Variants in PRRX2 observed in about 807,000 individuals in gnomAD.
The protein encoded by PRRX2 is paired mesoderm homeobox protein 2.
PRRX2 carries 11 observed loss-of-function variants against 18.0 expected under a neutral mutation model. The ratio of observed to expected loss-of-function variants is 0.61; its 90% confidence interval spans 0.39 to 1.01. PRRX2 has a LOEUF of 1.01. PRRX2 is among the 50% of genes least tolerant of loss of function. The probability of loss-of-function intolerance (pLI) is 0.01; values close to 1 mark genes in which losing one functional copy is unlikely to be tolerated. For missense variants in PRRX2, 387 were observed against 351.0 expected, an observed-to-expected ratio of 1.10 and a Z score of -0.82; for synonymous variants, 177 against 154.8, an observed-to-expected ratio of 1.14 and a Z score of -1.06.
At chr9:129,683,734 C>CA (rs1408830041) in intron 1 of PRRX2, among the ~76,000 whole-genome samples, 79 of 148,716 alleles carry the variant, frequency 5.3e-4, no homozygotes, top group Middle Eastern at 3.4e-3. Flanking sequence ...GACTCCATCT[C>CA]AAAAAAAAAT....
chr9:129,691,529 T>C (rs1182392294), intron 1 of PRRX2, among the ~76,000 whole-genome samples: 1 of 152,118 alleles, frequency 6.6e-6, no homozygotes, highest in Non-Finnish European at 1.5e-5. Context: ...CGATTTCGTC[T>C]TCATTGATGT....
chr9:129,715,750 TCA>T lies in PRRX2; in HGVS notation c.260-3439_260-3438del, dbSNP rs58405360. 0.34 allele frequency among the ~76,000 whole-genome samples: 47,506 copies of T among 138,500 alleles called. 7,972 individuals are homozygous for T. The highest frequency in any genetic ancestry group is 0.41 in the South Asian group (1,652 of 4,026). The allele number at this position is 138,500 out of a possible 152,430, so 90.9% of individuals were successfully genotyped here. A position where few individuals can be genotyped will look rare whatever the true frequency, so the allele number is the denominator to read the frequency against. On this transcript the variant is annotated intron_variant, in intron 1 of 3. Coordinates refer to ENST00000372469, the MANE Select transcript of PRRX2 (RefSeq NM_016307.4). This position sits in a 1 kb window ranked among gnomAD's most constrained non-coding sequence, Gnocchi z 4.0. ...AAACCCAGCTTCAGGGACATCTTTC[TCA>T]CACACACACACACACACACACACAC...
intron 1 of PRRX2, among the ~76,000 whole-genome samples, chr9:129,702,231 A>G (rs537284716): frequency 2.0e-5 from 3 of 152,018 alleles, no homozygotes; most frequent in African/African-American, 4.8e-5. Context: ...CCCTGTCTCT[A>G]CTAAAAATAC....
In PRRX2 at chr9:129,675,515, C is replaced by T. The variant is rs1832152959; in HGVS notation, c.259+9389C>T. On this transcript the variant is annotated intron_variant, in intron 1 of 3. Transcript: ENST00000372469. The surrounding 1 kb of genome is among the most constrained non-coding windows in gnomAD (Gnocchi z 4.4). Reference sequence around the variant, plus strand: ...ACCTCCTGCCCCCCTGCTACCCTCCCTCCCCCATGGGGTCCCCTCAAAGGG... The same window carrying T: ...ACCTCCTGCCCCCCTGCTACCCTCCTTCCCCCATGGGGTCCCCTCAAAGGG... 6.6e-6 allele frequency among the ~76,000 whole-genome samples: 1 copy of T among 152,096 alleles called. No individual in the cohort carries two copies. Among genetic ancestry groups the T allele is most frequent in the African/African-American group, 2.4e-5 (1 of 41,410 alleles).
rs761533769 is a variant in PRRX2, at chr9:129,665,920, GGCC to G, written c.63_65del (p.Pro24del). On this transcript the variant is annotated inframe_deletion, in exon 1 of 4. Transcript: ENST00000372469. This position sits in a 1 kb window ranked among gnomAD's most constrained non-coding sequence, Gnocchi z 5.3. ...CTGGACAAGCCGGCGCTGGGCCCGG[GGCC>G]GCCGCCGCCTCCACCCGCGCTGGGG... is the stretch of plus-strand genomic sequence containing the variant. The G allele has an allele frequency of 2.8e-5, 31 of 1,114,586 alleles. No individual in the cohort carries two copies. In the South Asian group the frequency reaches 3.5e-4, roughly 13 times the overall value. The allele number at this position is 1,114,586 out of a possible 1,614,324, so 69.0% of individuals were successfully genotyped here. A position where few individuals can be genotyped will look rare whatever the true frequency, so the allele number is the denominator to read the frequency against.
intron 1 of PRRX2, among the ~76,000 whole-genome samples, chr9:129,689,753 C>A (rs1210917266): frequency 2.0e-5 from 3 of 148,078 alleles, no homozygotes; most frequent in African/African-American, 5.2e-5. Flanking sequence ...TCTTATTTTG[C>A]TTATTTATTT....
chr9:129,674,981 G>A (rs1162374368), intron 1 of PRRX2, among the ~76,000 whole-genome samples: 1 of 152,122 alleles, frequency 6.6e-6, no homozygotes, highest in Non-Finnish European at 1.5e-5. Flanking sequence ...ATAGCCCCCT[G>A]CCTAGCGATT....
intron 1 of PRRX2, among the ~76,000 whole-genome samples, chr9:129,699,381 G>A (rs564771077): frequency 1.2e-4 from 18 of 152,082 alleles, no homozygotes; most frequent in African/African-American, 3.9e-4. Context: ...CCGAGATCAC[G>A]CCATTGCACT....
chr9:129,670,158 C>A (rs369924447), intron 1 of PRRX2, among the ~76,000 whole-genome samples: 1 of 151,080 alleles, frequency 6.6e-6, no homozygotes, highest in East Asian at 1.9e-4. Context: ...GTGTAGCATG[C>A]GTCAGAGTCT....
chr9:129,722,579 G>A lies in PRRX2; in HGVS notation c.*227G>A. 1 of 416,546 alleles carries A rather than the reference G, an allele frequency of 2.4e-6. No individual in the cohort carries two copies. Among genetic ancestry groups the A allele is most frequent in the South Asian group, 1.3e-4 (1 of 7,408 alleles). 25.8% of individuals were successfully genotyped at this position (416,546 alleles called of 1,614,324 possible). A position where few individuals can be genotyped will look rare whatever the true frequency, so the allele number is the denominator to read the frequency against. On this transcript the variant is annotated 3_prime_UTR_variant, in exon 4 of 4. Coordinates refer to ENST00000372469, the MANE Select transcript of PRRX2 (RefSeq NM_016307.4). ...AACCCTTGGAGGGGTTGGGCCGGAAGGTGGAAGAGCCTGCCAAGGACCTCA... is the reference window on the plus strand; with the variant it reads ...AACCCTTGGAGGGGTTGGGCCGGAAAGTGGAAGAGCCTGCCAAGGACCTCA...
chr9:129,698,298 T>G (rs1832453979), intron 1 of PRRX2, among the ~76,000 whole-genome samples: 1 of 136,006 alleles, frequency 7.4e-6, no homozygotes, highest in Admixed American at 7.7e-5. Flanking sequence ...TCTGTCTCCA[T>G]GGTTCTCCAC....
At chr9:129,684,340 A>G (rs760899721) in intron 1 of PRRX2, among the ~76,000 whole-genome samples, 4 of 151,900 alleles carry the variant, frequency 2.6e-5, no homozygotes, top group Non-Finnish European at 5.9e-5. Flanking sequence ...GGCTTAAGCA[A>G]TGACACTGGG....
At position 129,671,776 on chromosome 9, in the gene PRRX2, C is replaced by G. The variant is rs532374478; in HGVS notation, c.259+5650C>G. 1.1e-3 allele frequency among the ~76,000 whole-genome samples: 173 copies of G among 152,376 alleles called. 1 individual carries two copies. The highest frequency in any genetic ancestry group is 3.9e-3 in the African/African-American group (164 of 41,596). ...CAGAGGCCCAGACAGGCAAAGCAAC[C>G]TGCCCGAGGCCTCACAGCTGGGAAA... On this transcript the variant is annotated intron_variant, in intron 1 of 3. Coordinates refer to ENST00000372469, the MANE Select transcript of PRRX2 (RefSeq NM_016307.4). The surrounding 1 kb of genome is among the most constrained non-coding windows in gnomAD (Gnocchi z 4.0).
chr9:129,720,706 G>A lies in PRRX2; in HGVS notation c.558G>A (p.Gln186=). The change falls in exon 3 of 4, where the codon CAG becomes CAA. Residue 186 remains glutamine, a synonymous_variant. Coordinates refer to ENST00000372469, the MANE Select transcript of PRRX2 (RefSeq NM_016307.4). ...KSYSQEAAIE[Q]PVAPRPTALS... is the part of the protein sequence containing the mutation. ...ACAGCCAGGAGGCCGCCATCGAGCAGCCCGTGGCTCCCCGGCCCACCGCCC... is the reference window on the plus strand; with the variant it reads ...ACAGCCAGGAGGCCGCCATCGAGCAACCCGTGGCTCCCCGGCCCACCGCCC... 1.9e-6 allele frequency: 3 copies of A among 1,612,988 alleles called. No homozygotes were observed. The highest frequency in any genetic ancestry group is 2.5e-6 in the Non-Finnish European group (3 of 1,179,694).
In PRRX2 at chr9:129,709,556, G is replaced by A. The variant is rs1186009396; in HGVS notation, c.260-9675G>A. On this transcript the variant is annotated intron_variant, in intron 1 of 3. Coordinates refer to ENST00000372469, the MANE Select transcript of PRRX2 (RefSeq NM_016307.4). The surrounding 1 kb of genome is among the most constrained non-coding windows in gnomAD (Gnocchi z 4.2). ...TCTCGCTCTTGTGTGCTGTGCCGAGGCCGGGGAAGCCATGGGATGGGGCCC... is the reference window on the plus strand; with the variant it reads ...TCTCGCTCTTGTGTGCTGTGCCGAGACCGGGGAAGCCATGGGATGGGGCCC... Among the ~76,000 whole-genome samples, 1 of 152,194 alleles carries A rather than the reference G, an allele frequency of 6.6e-6. No homozygotes were observed.
chr9:129,676,895 A>G (rs1832167781), intron 1 of PRRX2, among the ~76,000 whole-genome samples: 1 of 152,204 alleles, frequency 6.6e-6, no homozygotes, highest in Admixed American at 6.5e-5. Flanking sequence ...AAACCTCCCT[A>G]AGTTGGGAAG....
At chr9:129,689,443 T>A (rs1832332733) in intron 1 of PRRX2, among the ~76,000 whole-genome samples, 1 of 151,818 alleles carries the variant, frequency 6.6e-6, no homozygotes, top group Non-Finnish European at 1.5e-5. Context: ...CATTCTCCCA[T>A]CTCCCACTGT....
At chr9:129,681,461 A>G (rs1233412464) in intron 1 of PRRX2, among the ~76,000 whole-genome samples, 2 of 152,128 alleles carry the variant, frequency 1.3e-5, no homozygotes, top group East Asian at 1.9e-4. Flanking sequence ...TGGAGGTTGT[A>G]GTGAGCCAGG....
intron 1 of PRRX2, among the ~76,000 whole-genome samples, chr9:129,710,195 G>A (rs778166091): frequency 2.0e-5 from 3 of 152,134 alleles, no homozygotes; most frequent in Non-Finnish European, 4.4e-5. Flanking sequence ...GTGAGAGGGC[G>A]TGGTGTGTGT....
Sources: gnomAD v4.1 joint callset for allele counts (sites outside exome capture counted in the v4.1 genomes callset) on GRCh38, gnomAD v4.1.1 for gene constraint, Gnocchi (gnomAD v3.1) non-coding constraint, MANE v1.5 for transcripts, NCBI Gene and HGNC (gene_info 2026-07-23, HGNC 2026-07-21) for gene names.